Variants in MAPRE3 observed in about 807,000 individuals in gnomAD.
MAPRE3 encodes microtubule associated protein RP/EB family member 3, also known as microtubule-associated protein RP/EB family member 3.
Under a neutral mutation model 30.5 loss-of-function variants are expected in MAPRE3, and 2 were observed. The observed-to-expected ratio is 0.07, with a 90% CI of 0.03 to 0.21. The LOEUF (loss-of-function observed/expected upper bound fraction) is 0.21, where lower values mean the gene tolerates loss of function less well. Ranked by LOEUF, MAPRE3 falls within the 10% of genes least tolerant of loss-of-function variation. The probability of loss-of-function intolerance (pLI) is 1.00; values close to 1 mark genes in which losing one functional copy is unlikely to be tolerated. For synonymous variants in MAPRE3, 110 were observed against 127.7 expected, an observed-to-expected ratio of 0.86 and a Z score of 0.93; for missense variants, 204 against 351.8, an observed-to-expected ratio of 0.58 and a Z score of 3.36.
At chr2:27,014,251 C>T (rs763704535) in intron 1 of MAPRE3, among the ~76,000 whole-genome samples, 4 of 152,152 alleles carry the variant, frequency 2.6e-5, no homozygotes, top group Non-Finnish European at 4.4e-5. Flanking sequence ...CGTTAACCCT[C>T]GAAGTTATGG....
At chr2:27,022,485 G>A in intron 2 of MAPRE3, 146 bp downstream of exon 2, 3 of 1,067,170 alleles carry the variant, frequency 2.8e-6, no homozygotes, top group Middle Eastern at 5.8e-4. Context: ...AGGCGATGTT[G>A]TTGTTGTGTG....
intron 1 of MAPRE3, among the ~76,000 whole-genome samples, chr2:26,988,090 G>A (rs999929125): frequency 6.6e-6 from 1 of 152,216 alleles, no homozygotes; most frequent in African/African-American, 2.4e-5. Context: ...CTAAGCAGGC[G>A]GGCCTGCTGG....
In MAPRE3 at chr2:27,024,082, G is replaced by A. The variant is rs764433377; in HGVS notation, c.268-14G>A. The stretch of plus-strand genomic sequence containing the variant: ...CAGGTGGCTAAAGTACTCTGCTTAT[G>A]TGGTCTATTTCAGATCATTCCTGTA... On this transcript the variant is annotated splice_polypyrimidine_tract_variant and intron_variant, in intron 3 of 6. Coordinates refer to ENST00000233121, the MANE Select transcript of MAPRE3 (RefSeq NM_012326.4). 1 of 1,606,564 alleles carries A rather than the reference G, an allele frequency of 6.2e-7. No individual in the cohort carries two copies. Among genetic ancestry groups the A allele is most frequent in the East Asian group, 2.2e-5 (1 of 44,844 alleles).
intron 1 of MAPRE3, among the ~76,000 whole-genome samples, chr2:26,973,063 C>CA (rs1174217774): frequency 6.6e-6 from 1 of 152,204 alleles, no homozygotes; most frequent in East Asian, 1.9e-4. Context: ...GATTCTAAGA[C>CA]ACACCAGCAA....
chr2:26,987,164 T>C (rs1302231286), intron 1 of MAPRE3, among the ~76,000 whole-genome samples: 1 of 152,100 alleles, frequency 6.6e-6, no homozygotes, highest in African/African-American at 2.4e-5. Context: ...CAGTGTAATG[T>C]GGGAATAAAA....
chr2:27,016,727 C>A (rs919909817), intron 1 of MAPRE3, among the ~76,000 whole-genome samples: 2 of 152,156 alleles, frequency 1.3e-5, no homozygotes, highest in South Asian at 2.1e-4. Flanking sequence ...TCCACTTAGA[C>A]CCTGATGCTT....
chr2:26,987,340 T>C (rs907926945), intron 1 of MAPRE3, among the ~76,000 whole-genome samples: 1 of 152,162 alleles, frequency 6.6e-6, no homozygotes, highest in African/African-American at 2.4e-5. Flanking sequence ...TATTTATGCC[T>C]GTTTTGAAAA....
At chr2:26,976,049 A>G (rs1666008798) in intron 1 of MAPRE3, among the ~76,000 whole-genome samples, 1 of 152,246 alleles carries the variant, frequency 6.6e-6, no homozygotes, top group Non-Finnish European at 1.5e-5. Context: ...TGAAAATGGC[A>G]TCTGACTATA....
chr2:26,973,608 G>A (rs867227428), intron 1 of MAPRE3, among the ~76,000 whole-genome samples: 6 of 147,600 alleles, frequency 4.1e-5, no homozygotes, highest in African/African-American at 7.6e-5. Flanking sequence ...ACTGCGGACT[G>A]CAGTGGCGCA....
intron 1 of MAPRE3, among the ~76,000 whole-genome samples, chr2:27,017,653 C>G (rs1667018761): frequency 6.6e-6 from 1 of 152,172 alleles, no homozygotes; most frequent in South Asian, 2.1e-4. Context: ...AGTATTTTCC[C>G]CCCAGATAAG....
rs542620363 is a variant in MAPRE3 at position 27,010,842 on chromosome 2, C to T, written c.-7-11370C>T. On this transcript the variant is annotated intron_variant, in intron 1 of 6. Coordinates refer to ENST00000233121, the MANE Select transcript of MAPRE3 (RefSeq NM_012326.4). ...TCTACCTGAAGTGCTGCAGCAGACA[C>T]ACATGGCTGTGATGACAAATGCCTG... Among the ~76,000 whole-genome samples the T allele has an allele frequency of 4.2e-4, 64 of 152,356 alleles. 2 individuals are homozygous for T. The South Asian group carries it at 0.013, about 32-fold the overall frequency.
At chr2:26,975,969 T>C (rs544790833) in intron 1 of MAPRE3, among the ~76,000 whole-genome samples, 1 of 152,316 alleles carries the variant, frequency 6.6e-6, no homozygotes, top group Admixed American at 6.5e-5. Context: ...CTCTTGAGAA[T>C]AGTCCCCTCC....
rs1353248343 is a variant in MAPRE3, at chr2:27,025,957, G to A, written c.702G>A (p.Glu234=). The A allele has an allele frequency of 9.9e-6, 16 of 1,614,100 alleles. No homozygotes were observed. The highest frequency in any genetic ancestry group is 1.4e-5 in the Non-Finnish European group (16 of 1,180,038). Residue 234 remains glutamate, a synonymous_variant, in exon 6 of 7, where the codon GAG becomes GAA. Coordinates refer to ENST00000233121, the MANE Select transcript of MAPRE3 (RefSeq NM_012326.4). The stretch of plus-strand genomic sequence containing the variant: ...ACTTCAGCAAACTTCGTGACATCGA[G>A]CTCATCTGCCAGGAGCATGAAAGTG... The part of the protein sequence containing the change: ...DFYFSKLRDI[E]LICQEHESEN...
At chr2:27,018,512 A>C (rs1667036554) in intron 1 of MAPRE3, among the ~76,000 whole-genome samples, 1 of 152,194 alleles carries the variant, frequency 6.6e-6, no homozygotes, top group Non-Finnish European at 1.5e-5. Context: ...ACTTTGGGGC[A>C]TTTGGTTATA....
intron 1 of MAPRE3, among the ~76,000 whole-genome samples, chr2:27,003,478 C>T (rs543520849): frequency 6.6e-6 from 1 of 152,316 alleles, no homozygotes; most frequent in East Asian, 1.9e-4. Flanking sequence ...AGGTGACACC[C>T]TCAAGAGAGA....
At chr2:26,992,401 A>AT (rs34601477) in intron 1 of MAPRE3, among the ~76,000 whole-genome samples, 89,138 of 151,620 alleles carry the variant, frequency 0.59, 26,558 homozygotes, top group East Asian at 0.76. Context: ...TAATTTTGTA[A>AT]TTTAGTAGAG....
intron 1 of MAPRE3, among the ~76,000 whole-genome samples, chr2:27,017,589 GT>G (rs1439235693): frequency 6.6e-6 from 1 of 152,166 alleles, no homozygotes; most frequent in African/African-American, 2.4e-5. Context: ...GCCTTTAGTT[GT>G]GTTCTAAACT....
At chr2:26,979,353 A>AG (rs1016474662) in intron 1 of MAPRE3, among the ~76,000 whole-genome samples, 1 of 152,206 alleles carries the variant, frequency 6.6e-6, no homozygotes. Context: ...TGGGAGGCCA[A>AG]GGGGGGAGGA....
chr2:26,984,758 A>G (rs1240571000), intron 1 of MAPRE3: 1 of 152,254 alleles, frequency 6.6e-6, no homozygotes, highest in African/African-American at 2.4e-5. Context: ...CCAGTCGCAC[A>G]TAAATCTTTT....
Sources: allele counts gnomAD v4.1 joint callset (sites outside exome capture counted in the v4.1 genomes callset), GRCh38; gene constraint gnomAD v4.1.1; transcripts MANE v1.5; gene names NCBI Gene and HGNC (gene_info 2026-07-23, HGNC 2026-07-21).